The following DOK6 variants were observed in gnomAD, a reference collection of about 807,000 sequenced individuals.
DOK6 encodes downstream of tyrosine kinase 6.
In DOK6, 22 loss-of-function variants were observed where a neutral mutation model predicts 44.0. The ratio of observed to expected loss-of-function variants is 0.50; its 90% confidence interval spans 0.36 to 0.71. The LOEUF (loss-of-function observed/expected upper bound fraction) is 0.71. DOK6 is among the 30% of genes least tolerant of loss of function. The pLI, the probability that DOK6 is intolerant of heterozygous loss-of-function variation, is 0.00. For synonymous variants in DOK6, 166 were observed against 145.5 expected, an observed-to-expected ratio of 1.14 and a Z score of -1.01; for missense variants, 340 against 416.4, an observed-to-expected ratio of 0.82 and a Z score of 1.60.
Position 69,824,788 on chromosome 18 carries a change from C to T in DOK6, c.857-16456C>T, listed in dbSNP as rs183693589. On this transcript the variant is annotated intron_variant, in intron 7 of 7. Coordinates refer to ENST00000382713, the MANE Select transcript of DOK6 (RefSeq NM_152721.6). ...GGTATTTATTAAAGGAGATTGGTAC[C>T]GCCCTGTCCTGAGAAAGCCACTTTA... is the stretch of plus-strand genomic sequence containing the variant. 1.8e-4 allele frequency among the ~76,000 whole-genome samples: 27 copies of T among 152,256 alleles called. No homozygotes were observed. In the East Asian group the frequency reaches 3.9e-3, roughly 22 times the overall value.
intron 1 of DOK6, among the ~76,000 whole-genome samples, chr18:69,496,004 C>T (rs940318113): frequency 6.6e-5 from 10 of 152,258 alleles, no homozygotes; most frequent in African/African-American, 1.2e-4. Context: ...CTGAAACTTG[C>T]GGGGGGAGAT....
intron 2 of DOK6, among the ~76,000 whole-genome samples, chr18:69,587,760 T>G (rs982210865): frequency 3.6e-5 from 3 of 83,370 alleles, no homozygotes; most frequent in African/African-American, 1.3e-4. Flanking sequence ...TGTTATTAGA[T>G]GTAAATTTAA....
intron 3 of DOK6, among the ~76,000 whole-genome samples, chr18:69,671,639 T>A (rs12966671): frequency 1.3e-5 from 2 of 152,078 alleles, no homozygotes; most frequent in Non-Finnish European, 2.9e-5. Flanking sequence ...TGTCAGGTAG[T>A]GCTCTGTTTC....
chr18:69,441,109 T>C (rs886431759), intron 1 of DOK6, among the ~76,000 whole-genome samples: 2 of 152,130 alleles, frequency 1.3e-5, no homozygotes, highest in Non-Finnish European at 2.9e-5. Context: ...GTGTGTATGG[T>C]TTTGTATTCA....
At chr18:69,509,663 A>AAAAAAC (rs397977960) in intron 1 of DOK6, among the ~76,000 whole-genome samples, 2 of 115,490 alleles carry the variant, frequency 1.7e-5, no homozygotes, top group African/African-American at 5.6e-5. Flanking sequence ...AAAAAAAAAA[A>AAAAAAC]CACACAAGTC....
intron 7 of DOK6, among the ~76,000 whole-genome samples, chr18:69,809,177 A>T (rs1981141131): frequency 6.6e-6 from 1 of 151,866 alleles, no homozygotes; most frequent in Non-Finnish European, 1.5e-5. Context: ...GTAACATACC[A>T]CATTAACAGA....
intron 7 of DOK6, among the ~76,000 whole-genome samples, chr18:69,831,408 C>T (rs1981897833): frequency 1.3e-5 from 2 of 152,194 alleles, no homozygotes; most frequent in Admixed American, 1.3e-4. Context: ...GTTTCACCAG[C>T]TATCTGGGCA....
intron 1 of DOK6, among the ~76,000 whole-genome samples, chr18:69,418,344 G>A (rs1978395047): frequency 6.6e-6 from 1 of 152,014 alleles, no homozygotes; most frequent in Non-Finnish European, 1.5e-5. Context: ...AATTCAAATG[G>A]ATGATCTTTT....
chr18:69,817,447 CAG>C (rs1981433557), intron 7 of DOK6, among the ~76,000 whole-genome samples: 2 of 152,108 alleles, frequency 1.3e-5, no homozygotes, highest in South Asian at 4.1e-4. Flanking sequence ...GTGTAAACAA[CAG>C]AGATTTATTT....
intron 1 of DOK6, among the ~76,000 whole-genome samples, chr18:69,559,514 ATC>A (rs1457833414): frequency 6.6e-6 from 1 of 152,140 alleles, no homozygotes; most frequent in African/African-American, 2.4e-5. Flanking sequence ...CTTTGCAGAT[ATC>A]TTTTTCTGTT....
chr18:69,825,004 T>C (rs1484620214), intron 7 of DOK6, among the ~76,000 whole-genome samples: 1 of 152,258 alleles, frequency 6.6e-6, no homozygotes, highest in African/African-American at 2.4e-5. Flanking sequence ...TTAATGCTTA[T>C]CTACTTCCTT....
chr18:69,769,104 T>A (rs987086848), intron 7 of DOK6, among the ~76,000 whole-genome samples: 2 of 152,060 alleles, frequency 1.3e-5, no homozygotes, highest in African/African-American at 4.8e-5. Context: ...TGTTATTTTT[T>A]GTTTTACTAT....
In DOK6 at chr18:69,523,030, T is replaced by A. The variant is rs114713385; in HGVS notation, c.67-41457T>A. ...GACAAAGAGAAGCTGGGAAGGAAGA[T>A]CTAGAAAGTGGGACCAGAGGGAAGC... On this transcript the variant is annotated intron_variant, in intron 1 of 7. Coordinates refer to ENST00000382713, the MANE Select transcript of DOK6 (RefSeq NM_152721.6). Among the ~76,000 whole-genome samples the A allele has an allele frequency of 2.8e-3, 431 of 152,156 alleles. 2 individuals carry two copies. Among genetic ancestry groups the A allele is most frequent in the African/African-American group, 9.7e-3 (402 of 41,544 alleles).
chr18:69,416,100 G>A (rs1162855353), intron 1 of DOK6, among the ~76,000 whole-genome samples: 1 of 149,532 alleles, frequency 6.7e-6, no homozygotes, highest in Non-Finnish European at 1.5e-5. Context: ...GAGAGAGGGA[G>A]GGAGAGAGGG....
At chr18:69,742,174 G>A (rs1978824066) in intron 6 of DOK6, among the ~76,000 whole-genome samples, 2 of 152,086 alleles carry the variant, frequency 1.3e-5, no homozygotes, top group Non-Finnish European at 2.9e-5. Flanking sequence ...CAGCACTTTA[G>A]GAGGCCGAGG....
intron 5 of DOK6, among the ~76,000 whole-genome samples, chr18:69,738,032 G>A (rs1049228656): frequency 1.3e-5 from 2 of 152,062 alleles, no homozygotes; most frequent in African/African-American, 4.8e-5. Context: ...TCCATTTCAC[G>A]CTGTGTGAAT....
intron 3 of DOK6, chr18:69,662,575 G>T (rs1029714368): frequency 6.6e-6 from 1 of 152,192 alleles, no homozygotes; most frequent in African/African-American, 2.4e-5. Context: ...GTTAGTAGAT[G>T]AATATTGCCT....
intron 4 of DOK6, among the ~76,000 whole-genome samples, chr18:69,684,749 G>T (rs565888416): frequency 1.3e-5 from 2 of 152,260 alleles, no homozygotes; most frequent in South Asian, 4.1e-4. Flanking sequence ...TGGGTTTAAC[G>T]AAAGGCATAG....
At chr18:69,462,605 T>C (rs749875370) in intron 1 of DOK6, among the ~76,000 whole-genome samples, 2 of 152,218 alleles carry the variant, frequency 1.3e-5, no homozygotes, top group Non-Finnish European at 2.9e-5. Flanking sequence ...CTGTTTGTGC[T>C]AGATTTTGGT....
Sources: allele counts gnomAD v4.1 joint callset (sites outside exome capture counted in the v4.1 genomes callset), GRCh38; gene constraint gnomAD v4.1.1; transcripts MANE v1.5; gene names NCBI Gene and HGNC (gene_info 2026-07-23, HGNC 2026-07-21).